NECTIN1: variants seen among roughly 807,000 people sequenced by gnomAD.
NECTIN1 encodes the protein nectin-1.
A neutral mutation model predicts 48.0 loss-of-function variants in NECTIN1; 23 were observed. That is an observed-to-expected ratio of 0.48 (90% CI 0.34 to 0.68). The LOEUF is 0.68. Among genes scored for constraint, NECTIN1 ranks in the 30% least tolerant of loss-of-function variants. The pLI is 0.01. For synonymous variants in NECTIN1, 270 were observed against 288.9 expected (o/e 0.93, Z 0.66); for missense variants, 591 against 709.9 (o/e 0.83, Z 1.90).
intron 1 of NECTIN1, among the ~76,000 whole-genome samples, chr11:119,685,825 C>T (rs563228982): frequency 6.6e-6 from 1 of 152,346 alleles, no homozygotes; most frequent in East Asian, 1.9e-4. Flanking sequence ...CTGGTCCCCA[C>T]TACTTGCTCA....
At chr11:119,707,955 G>A (rs981016788) in intron 1 of NECTIN1, among the ~76,000 whole-genome samples, 2 of 152,220 alleles carry the variant, frequency 1.3e-5, no homozygotes, top group African/African-American at 4.8e-5. Flanking sequence ...GGAGCGTGGA[G>A]GAATAAGAAA....
At chr11:119,717,158 G>A (rs1223979208) in intron 1 of NECTIN1, among the ~76,000 whole-genome samples, 2 of 152,168 alleles carry the variant, frequency 1.3e-5, no homozygotes, top group South Asian at 2.1e-4. Flanking sequence ...GAGGACTGAT[G>A]CTCTCTCCCT....
At chr11:119,707,670 G>A (rs926994327) in intron 1 of NECTIN1, among the ~76,000 whole-genome samples, 8 of 152,168 alleles carry the variant, frequency 5.3e-5, no homozygotes, top group African/African-American at 1.9e-4. Context: ...CTAATGTACT[G>A]TCTCTGGTTC....
intron 6 of NECTIN1, chr11:119,639,675 G>A: frequency 1.5e-6 from 1 of 688,508 alleles, no homozygotes; most frequent in Non-Finnish European, 2.5e-6. Flanking sequence ...GGCGGTGCCT[G>A]GCACGTAGCA....
At chr11:119,688,710 T>TG (rs1591467063) in intron 1 of NECTIN1, among the ~76,000 whole-genome samples, 2 of 151,864 alleles carry the variant, frequency 1.3e-5, no homozygotes, top group East Asian at 3.9e-4. Flanking sequence ...GAAACATAGT[T>TG]GGGGGGCACT....
intron 1 of NECTIN1, among the ~76,000 whole-genome samples, chr11:119,715,257 CCTGCAGGGCAGGGAGGTACCTTCAG>C (rs1270380804): frequency 7.9e-5 from 12 of 152,352 alleles, no homozygotes; most frequent in African/African-American, 2.9e-4. Flanking sequence ...TCCACCTTCC[CCTGCAGGGCAGGGAGGTACCTTCAG>C]CTGCAGGCCC....
intron 1 of NECTIN1, among the ~76,000 whole-genome samples, chr11:119,723,165 G>A (rs1865860729): frequency 7.1e-6 from 1 of 141,260 alleles, no homozygotes; most frequent in Non-Finnish European, 1.5e-5. Context: ...GTTGCAGTGA[G>A]CTGAGATCTT....
rs370917280 is a variant in NECTIN1 at position 119,645,634 on chromosome 11, A to G, written c.1004-5622T>C. Among the ~76,000 whole-genome samples, 37 of 152,234 alleles carry G rather than the reference A, an allele frequency of 2.4e-4. 1 individual carries two copies. The South Asian group carries it at 7.7e-3, about 32-fold the overall frequency. ...GTCAGGCCCATGTTTTGTCCCACAC[A>G]TGCCTTGCTGGGTGTTTCCAGCTTT... On this transcript the variant is annotated intron_variant, in intron 5 of 7. Transcript: ENST00000341398.
At position 119,674,510 on chromosome 11, in the gene NECTIN1, A is replaced by T. The variant is rs193024358; in HGVS notation, c.1003+649T>A. On this transcript the variant is annotated intron_variant, in intron 5 of 5. Transcript: ENST00000264025. ...ACATCATACTGTCCCCGTTTTACAG[A>T]TGGTGGGGGGGGCCCTGTCCAGGGT... 5,238 of 1,609,230 alleles carry T rather than the reference A, an allele frequency of 3.3e-3. 18 individuals are homozygous for T. The highest frequency in any genetic ancestry group is 2.9e-3 in the Non-Finnish European group (3,463 of 1,179,108).
intron 5 of NECTIN1, among the ~76,000 whole-genome samples, chr11:119,670,606 C>T (rs541739511): frequency 2.0e-5 from 3 of 149,322 alleles, no homozygotes; most frequent in Non-Finnish European, 4.4e-5. Context: ...GGCTTTTTTT[C>T]TCCTCCAGGC....
At position 119,678,705 on chromosome 11, in the gene NECTIN1, AC is replaced by A; in HGVS notation, c.139del (p.Val47TrpfsTer14). On this transcript the variant is annotated frameshift_variant, in exon 2 of 6. Coordinates refer to ENST00000264025, the MANE Select transcript of NECTIN1 (RefSeq NM_002855.5). LOFTEE classifies it high-confidence loss of function. The surrounding 1 kb of genome is among the most constrained non-coding windows in gnomAD (Gnocchi z 4.4). ...GTTGGCAAAGCTGCAGTGCAGAACC[AC>A]GTCTGTGCCGATGAAGCCATACATG... is the stretch of plus-strand genomic sequence containing the variant. ...DSMYGFIGTD[V>X]VLHCSFANPL... 2 of 1,613,878 alleles carry A rather than the reference AC, an allele frequency of 1.2e-6. No individual in the cohort carries two copies. The highest frequency in any genetic ancestry group is 8.5e-7 in the Non-Finnish European group (1 of 1,179,972).
At position 119,677,464 on chromosome 11, in the gene NECTIN1, C is replaced by T. The variant is rs578220349; in HGVS notation, c.733+91G>A. The T allele has an allele frequency of 2.0e-5, 29 of 1,454,602 alleles. No homozygotes were observed. Among genetic ancestry groups the T allele is most frequent in the African/African-American group, 1.7e-4 (12 of 71,460 alleles). The allele number at this position is 1,454,602 out of a possible 1,614,324, so 90.1% of individuals were successfully genotyped here. On this transcript the variant is annotated intron_variant, in intron 3 of 5. Transcript: ENST00000264025. This position sits in a 1 kb window ranked among gnomAD's most constrained non-coding sequence, Gnocchi z 5.4. ...ACAGGAGGGGAGAAGAAAGCACCCC[C>T]AGAAAGAGAAAGGGAGGAGAAAGGA...
chr11:119,691,502 C>T lies in NECTIN1; in HGVS notation c.80-12737G>A, dbSNP rs535750678. On this transcript the variant is annotated intron_variant, in intron 1 of 5. Transcript: ENST00000264025. ...CTGCGGGTGGTCTGCCTGCAGGGGG[C>T]ACGGTGCTGCCCACTCTCTGCCTTG... is the stretch of plus-strand genomic sequence containing the variant. Among the ~76,000 whole-genome samples, 24 of 152,342 alleles carry T rather than the reference C, an allele frequency of 1.6e-4. No homozygotes were observed. In the South Asian group the frequency reaches 5.0e-3, roughly 32 times the overall value.
chr11:119,686,258 C>G (rs1047409464), intron 1 of NECTIN1, among the ~76,000 whole-genome samples: 3 of 152,210 alleles, frequency 2.0e-5, no homozygotes, highest in Non-Finnish European at 4.4e-5. Flanking sequence ...TCCACCTCAC[C>G]TCCGGCAGTC....
At position 119,677,999 on chromosome 11, in the gene NECTIN1, C is replaced by G. The variant is rs761676154; in HGVS notation, c.431-142G>C. ...CCTCTCAGCTGTGCTGCACCAAAGA[C>G]TGTCCCAGAACCTCTTGCAGGAAGT... is the stretch of plus-strand genomic sequence containing the variant. On this transcript the variant is annotated intron_variant, in intron 2 of 5. Transcript: ENST00000264025. This position sits in a 1 kb window ranked among gnomAD's most constrained non-coding sequence, Gnocchi z 5.4. The G allele has an allele frequency of 5.8e-5, 48 of 823,034 alleles. No individual in the cohort carries two copies. The highest frequency in any genetic ancestry group is 3.6e-4 in the Admixed American group (18 of 50,184). 51.0% of individuals were successfully genotyped at this position (823,034 alleles called of 1,614,324 possible). A position where few individuals can be genotyped will look rare whatever the true frequency, so the allele number is the denominator to read the frequency against.
chr11:119,706,632 C>A (rs1417930247), intron 1 of NECTIN1, among the ~76,000 whole-genome samples: 1 of 152,238 alleles, frequency 6.6e-6, no homozygotes, highest in Non-Finnish European at 1.5e-5. Context: ...ATTGCCCCCA[C>A]CAGGGCTTCT....
rs1864755441 is a variant in NECTIN1, at chr11:119,665,622, C to T, written c.1004-325G>A. Among the ~76,000 whole-genome samples the T allele has an allele frequency of 6.6e-6, 1 of 152,172 alleles. No homozygotes were observed. The highest frequency in any genetic ancestry group is 2.4e-5 in the African/African-American group (1 of 41,442). On this transcript the variant is annotated intron_variant, in intron 5 of 5. Coordinates refer to ENST00000264025, the MANE Select transcript of NECTIN1 (RefSeq NM_002855.5). The surrounding 1 kb of genome is among the most constrained non-coding windows in gnomAD (Gnocchi z 5.1). ...TCATGGTGCAGTGAGACACGTGTGC[C>T]AGTTCCAGCTGCAGCACACTGCCCA...
chr11:119,679,231 T>C (rs1723306598), intron 1 of NECTIN1, among the ~76,000 whole-genome samples: 1 of 152,206 alleles, frequency 6.6e-6, no homozygotes. Context: ...CTTGGTTTCC[T>C]CCTCTGTTAT....
chr11:119,727,291 G>C lies in NECTIN1; in HGVS notation c.79+1184C>G, dbSNP rs1381678587. The stretch of plus-strand genomic sequence containing the variant: ...GGCAAAGCACATTGCAGGAACTCGG[G>C]ATCTAATATTCCTGCCCCACGAGGA... On this transcript the variant is annotated intron_variant, in intron 1 of 5. Coordinates refer to ENST00000264025, the MANE Select transcript of NECTIN1 (RefSeq NM_002855.5). This position sits in a 1 kb window ranked among gnomAD's most constrained non-coding sequence, Gnocchi z 4.1. Among the ~76,000 whole-genome samples the C allele has an allele frequency of 6.6e-6, 1 of 152,176 alleles. No individual in the cohort carries two copies. Among genetic ancestry groups the C allele is most frequent in the African/African-American group, 2.4e-5 (1 of 41,430 alleles).
Sources: gnomAD v4.1 joint callset for allele counts (sites outside exome capture counted in the v4.1 genomes callset) on GRCh38, gnomAD v4.1.1 for gene constraint, Gnocchi (gnomAD v3.1) non-coding constraint, MANE v1.5 for transcripts, NCBI Gene and HGNC (gene_info 2026-07-23, HGNC 2026-07-21) for gene names.